The following KCNQ1 variants were observed in gnomAD, a reference collection of about 807,000 sequenced individuals.
KCNQ1 encodes potassium voltage-gated channel subfamily Q member 1.
Under a neutral mutation model 72.4 loss-of-function variants are expected in KCNQ1, and 49 were observed. The observed-to-expected ratio is 0.68, with a 90% CI of 0.54 to 0.86. The LOEUF (loss-of-function observed/expected upper bound fraction) is 0.86, where lower values mean the gene tolerates loss of function less well. KCNQ1 is among the 40% of genes least tolerant of loss of function. The probability of loss-of-function intolerance (pLI) is 0.00; values close to 1 mark genes in which losing one functional copy is unlikely to be tolerated. For synonymous variants in KCNQ1, 450 were observed against 412.6 expected (o/e 1.09, Z -1.10); for missense variants, 790 against 945.1 (o/e 0.84, Z 2.15).
At chr11:2,631,235 A>C (rs1178882979) in intron 10 of KCNQ1, 2 of 398,348 alleles carry the variant, frequency 5.0e-6, no homozygotes, top group African/African-American at 4.1e-5. Context: ...AACTCTCCTG[A>C]TGGTGTCCCA....
intron 1 of KCNQ1, among the ~76,000 whole-genome samples, chr11:2,460,014 C>A (rs558847245): frequency 6.6e-5 from 10 of 152,214 alleles, no homozygotes; most frequent in Non-Finnish European, 1.5e-4. Flanking sequence ...CAGAGCCGCA[C>A]CCCAGTGCAG....
chr11:2,547,595 G>A lies in KCNQ1; in HGVS notation c.477+19577G>A, dbSNP rs1320305756. On this transcript the variant is annotated intron_variant, in intron 2 of 15. Transcript: ENST00000155840. The surrounding 1 kb of genome is among the most constrained non-coding windows in gnomAD (Gnocchi z 4.2). ...CCTTTCAAAGTTTCCTTGGTCCCTG[G>A]TTTCTCATTTAACCCTTTACTGTCT... is the stretch of plus-strand genomic sequence containing the variant. Among the ~76,000 whole-genome samples the A allele has an allele frequency of 6.6e-6, 1 of 152,094 alleles. No individual in the cohort carries two copies. The highest frequency in any genetic ancestry group is 1.9e-4 in the East Asian group (1 of 5,196).
At position 2,730,758 on chromosome 11, in the gene KCNQ1, TG is replaced by T. The variant is rs1322456132; in HGVS notation, c.1515-38083del. Among the ~76,000 whole-genome samples the T allele has an allele frequency of 2.6e-5, 4 of 152,156 alleles. No individual in the cohort carries two copies. In the South Asian group the frequency reaches 8.3e-4, roughly 32 times the overall value. On this transcript the variant is annotated intron_variant, in intron 11 of 15. Transcript: ENST00000155840. ...CAGGTGGTCCAAGAGGGGCTGCCCC[TG>T]GGAGACGCAGGGTTCTTCAGTAATG... is the stretch of plus-strand genomic sequence containing the variant.
rs1847131633 is a variant in KCNQ1, at chr11:2,508,013, TC to T, written c.387-19912del. ...ATGTGGGAGTCTGGGTCCTGGTGGG[TC>T]CCAGCCCCGTACATGGAGGCTGGGA... On this transcript the variant is annotated intron_variant, in intron 1 of 15. Coordinates refer to ENST00000155840, the MANE Select transcript of KCNQ1 (RefSeq NM_000218.3). The surrounding 1 kb of genome is among the most constrained non-coding windows in gnomAD (Gnocchi z 6.2). Among the ~76,000 whole-genome samples the T allele has an allele frequency of 1.3e-5, 2 of 151,746 alleles. No homozygotes were observed. The highest frequency in any genetic ancestry group is 2.4e-5 in the African/African-American group (1 of 41,264).
In KCNQ1 at chr11:2,642,677, C is replaced by T. The variant is rs1035169956; in HGVS notation, c.1394-19284C>T. On this transcript the variant is annotated intron_variant, in intron 10 of 15. Coordinates refer to ENST00000155840, the MANE Select transcript of KCNQ1 (RefSeq NM_000218.3). This position sits in a 1 kb window ranked among gnomAD's most constrained non-coding sequence, Gnocchi z 4.3. ...TCTTGTTTAGTTCTGCTCTGATCTT[C>T]GTTATTTCTTTCCTTCTACTAATTT... The T allele has an allele frequency of 2.8e-5, 11 of 397,442 alleles. No homozygotes were observed. The highest frequency in any genetic ancestry group is 4.4e-5 in the Non-Finnish European group (10 of 225,536). 24.6% of individuals were successfully genotyped at this position (397,442 alleles called of 1,614,324 possible).
Position 2,769,132 on chromosome 11 carries a change from C to T in KCNQ1, c.1590+213C>T, listed in dbSNP as rs1846547660. 6.6e-6 allele frequency among the ~76,000 whole-genome samples: 1 copy of T among 152,114 alleles called. No individual in the cohort carries two copies. The highest frequency in any genetic ancestry group is 2.4e-5 in the African/African-American group (1 of 41,428). On this transcript the variant is annotated intron_variant, in intron 12 of 15. Transcript: ENST00000155840. This position sits in a 1 kb window ranked among gnomAD's most constrained non-coding sequence, Gnocchi z 4.6. ...CTCAGAGGACCTATCCTTGGAGGCCCGGCCTGGAACCAGGGACACATGCAG... is the reference window on the plus strand; with the variant it reads ...CTCAGAGGACCTATCCTTGGAGGCCTGGCCTGGAACCAGGGACACATGCAG...
intron 10 of KCNQ1, chr11:2,629,155 T>C: frequency 2.5e-6 from 1 of 398,370 alleles, no homozygotes; most frequent in Non-Finnish European, 4.4e-6. Context: ...TGATAGGCAT[T>C]GCCTTGAATC....
intron 6 of KCNQ1, 39 bp downstream of exon 6, chr11:2,573,025 T>C: frequency 6.2e-7 from 1 of 1,604,384 alleles, no homozygotes. Flanking sequence ...CAGGGGCAGC[T>C]CAGGCTGAGG....
At chr11:2,756,951 TAAAAAAAAAAA>T (rs58284663) in intron 11 of KCNQ1, among the ~76,000 whole-genome samples, 14 of 50,996 alleles carry the variant, frequency 2.7e-4, no homozygotes, top group Admixed American at 3.8e-4. Context: ...AAGAGCATCT[TAAAAAAAAAAA>T]AAAAAAAAAA....
intron 15 of KCNQ1, among the ~76,000 whole-genome samples, chr11:2,835,893 C>T (rs1424874831): frequency 6.6e-6 from 1 of 152,166 alleles, no homozygotes; most frequent in African/African-American, 2.4e-5. Context: ...AGACCTGGGT[C>T]AGCAGAGCAC....
rs113528508 is a variant in KCNQ1, at chr11:2,658,139, A to G, written c.1394-3822A>G. 0.017 allele frequency: 6,677 copies of G among 398,572 alleles called. 118 individuals are homozygous for G. The highest frequency in any genetic ancestry group is 0.018 in the Non-Finnish European group (4,040 of 226,030). 24.7% of individuals were successfully genotyped at this position (398,572 alleles called of 1,614,324 possible). A position where few individuals can be genotyped will look rare whatever the true frequency, so the allele number is the denominator to read the frequency against. ...AAAAATCTGCAAATATGTTAAAACT[A>G]CCACAGCAATTAAAATACATTTCAA... On this transcript the variant is annotated intron_variant, in intron 10 of 15. Coordinates refer to ENST00000155840, the MANE Select transcript of KCNQ1 (RefSeq NM_000218.3). This position sits in a 1 kb window ranked among gnomAD's most constrained non-coding sequence, Gnocchi z 4.9.
In KCNQ1 at chr11:2,664,194, A is replaced by G. The variant is rs1850021375; in HGVS notation, c.1514+2113A>G. On this transcript the variant is annotated intron_variant, in intron 11 of 15. Coordinates refer to ENST00000155840, the MANE Select transcript of KCNQ1 (RefSeq NM_000218.3). This position sits in a 1 kb window ranked among gnomAD's most constrained non-coding sequence, Gnocchi z 5.1. ...CTGCTAGATATGAGCCAGCCTGGGA[A>G]GGCAGGAAGGAGCCCAGGCATGGGG... 2 of 398,698 alleles carry G rather than the reference A, an allele frequency of 5.0e-6. No homozygotes were observed. The highest frequency in any genetic ancestry group is 8.8e-6 in the Non-Finnish European group (2 of 226,174). The allele number at this position is 398,698 out of a possible 1,614,324, so 24.7% of individuals were successfully genotyped here. A position where few individuals can be genotyped will look rare whatever the true frequency, so the allele number is the denominator to read the frequency against.
chr11:2,525,009 C>T (rs1847471632), intron 1 of KCNQ1, among the ~76,000 whole-genome samples: 5 of 152,208 alleles, frequency 3.3e-5, no homozygotes, highest in Admixed American at 2.6e-4. Flanking sequence ...AACAAACAGA[C>T]GTCCAGGAGG....
intron 10 of KCNQ1, chr11:2,640,057 A>G: frequency 5.2e-6 from 1 of 193,766 alleles, no homozygotes; most frequent in Non-Finnish European, 1.0e-5. Context: ...CCATTGGAAA[A>G]GCACAGTATT....
At chr11:2,692,207 C>T in intron 11 of KCNQ1, 1 of 398,862 alleles carries the variant, frequency 2.5e-6, no homozygotes, top group African/African-American at 2.1e-5. Flanking sequence ...ATTTCCGATA[C>T]ACCCGCTTCC....
chr11:2,693,663 G>T lies in KCNQ1; in HGVS notation c.1514+31582G>T, dbSNP rs765539603. On this transcript the variant is annotated intron_variant, in intron 11 of 15. Transcript: ENST00000155840. ...CTCTGGGAGAAAGGCTTTTAGTTCC[G>T]CAGACAGAGCAGCCAGAGACTGGGT... The T allele has an allele frequency of 1.5e-5, 6 of 398,638 alleles. No homozygotes were observed. In the South Asian group the frequency reaches 6.4e-4, roughly 42 times the overall value. 24.7% of individuals were successfully genotyped at this position (398,638 alleles called of 1,614,324 possible). A position where few individuals can be genotyped will look rare whatever the true frequency, so the allele number is the denominator to read the frequency against.
rs2133836336 is a variant in KCNQ1, at chr11:2,646,239, T to C, written c.1394-15722T>C. On this transcript the variant is annotated intron_variant, in intron 10 of 15. Coordinates refer to ENST00000155840, the MANE Select transcript of KCNQ1 (RefSeq NM_000218.3). ...TGCCAGATGCCTCTAGTCAGCCATCTTGAAGCCCCTGCTGATATCTGGATA... is the reference window on the plus strand; with the variant it reads ...TGCCAGATGCCTCTAGTCAGCCATCCTGAAGCCCCTGCTGATATCTGGATA... 5.0e-6 allele frequency: 2 copies of C among 398,698 alleles called. 1 individual carries two copies. The highest frequency in any genetic ancestry group is 2.5e-4 in the South Asian group (2 of 7,862). 24.7% of individuals were successfully genotyped at this position (398,698 alleles called of 1,614,324 possible). A position where few individuals can be genotyped will look rare whatever the true frequency, so the allele number is the denominator to read the frequency against.
chr11:2,535,651 C>T (rs1371120449), intron 2 of KCNQ1, among the ~76,000 whole-genome samples: 2 of 152,224 alleles, frequency 1.3e-5, no homozygotes, highest in African/African-American at 4.8e-5. Context: ...CTCTCTCATG[C>T]GCTGGCCGTA....
intron 6 of KCNQ1, among the ~76,000 whole-genome samples, chr11:2,577,204 C>T (rs558980795): frequency 6.0e-4 from 91 of 152,306 alleles, no homozygotes; most frequent in African/African-American, 1.8e-3. Flanking sequence ...TGCCAGGCAC[C>T]GGCAGGGGTT....
Sources: gnomAD v4.1 joint callset for allele counts (sites outside exome capture counted in the v4.1 genomes callset) on GRCh38, gnomAD v4.1.1 for gene constraint, Gnocchi (gnomAD v3.1) non-coding constraint, MANE v1.5 for transcripts, NCBI Gene and HGNC (gene_info 2026-07-23, HGNC 2026-07-21) for gene names.